Variants in SEMA6D observed in about 807,000 individuals in gnomAD.
The protein encoded by SEMA6D is semaphorin 6D.
Under a neutral mutation model 106.6 loss-of-function variants are expected in SEMA6D, and 35 were observed. That is an observed-to-expected ratio of 0.33 (90% confidence interval 0.25 to 0.44). SEMA6D has a LOEUF of 0.44. Among genes scored for constraint, SEMA6D ranks in the 20% least tolerant of loss-of-function variants. The pLI is 1.00. For synonymous variants in SEMA6D, 499 were observed against 487.7 expected, an observed-to-expected ratio of 1.02 and a Z score of -0.31; for missense variants, 1,185 against 1,345.9, an observed-to-expected ratio of 0.88 and a Z score of 1.87.
intron 1 of SEMA6D, among the ~76,000 whole-genome samples, chr15:47,723,494 C>T (rs1043579520): frequency 6.6e-6 from 1 of 152,078 alleles, no homozygotes; most frequent in Non-Finnish European, 1.5e-5. Context: ...ATTTATGGGC[C>T]CCATCAGCAA....
chr15:47,642,776 G>A (rs2077512285), intron 4 of SEMA6D, among the ~76,000 whole-genome samples: 1 of 152,186 alleles, frequency 6.6e-6, no homozygotes, highest in Non-Finnish European at 1.5e-5. Flanking sequence ...GGGCAGGAAG[G>A]CAGCAGGAGT....
intron 1 of SEMA6D, among the ~76,000 whole-genome samples, chr15:47,315,393 C>G (rs1381353016): frequency 6.6e-6 from 1 of 152,104 alleles, no homozygotes; most frequent in Non-Finnish European, 1.5e-5. Context: ...TTGTCAAAGA[C>G]CAGCTGACTA....
intron 4 of SEMA6D, among the ~76,000 whole-genome samples, chr15:47,652,505 C>T (rs534090227): frequency 2.6e-5 from 4 of 152,230 alleles, no homozygotes; most frequent in African/African-American, 9.6e-5. Flanking sequence ...AAAACCCACC[C>T]GTCTCCAATT....
At chr15:47,632,725 TG>T (rs1223237905) in intron 4 of SEMA6D, among the ~76,000 whole-genome samples, 1 of 152,046 alleles carries the variant, frequency 6.6e-6, no homozygotes, top group African/African-American at 2.4e-5. Flanking sequence ...CTTTATCCAC[TG>T]CCAGTCTTTA....
chr15:47,272,993 A>G (rs902857287), intron 1 of SEMA6D: 1 of 152,190 alleles, frequency 6.6e-6, no homozygotes, highest in Non-Finnish European at 1.5e-5. Context: ...TTTCTTCCCA[A>G]GATCCCCTCA....
At chr15:47,486,463 T>C (rs1029125758) in intron 3 of SEMA6D, among the ~76,000 whole-genome samples, 2 of 152,336 alleles carry the variant, frequency 1.3e-5, no homozygotes, top group Non-Finnish European at 1.5e-5. Flanking sequence ...AACAGAATGC[T>C]TTGAGCTCTT....
chr15:47,680,449 T>A (rs2078330216), intron 4 of SEMA6D, among the ~76,000 whole-genome samples: 1 of 152,182 alleles, frequency 6.6e-6, no homozygotes, highest in Admixed American at 6.5e-5. Flanking sequence ...TTTATTATTA[T>A]ACAAGAACAT....
At chr15:47,709,899 A>C (rs1420108745) in intron 4 of SEMA6D, among the ~76,000 whole-genome samples, 1 of 152,150 alleles carries the variant, frequency 6.6e-6, no homozygotes, top group African/African-American at 2.4e-5. Flanking sequence ...AAAAAAGTCA[A>C]AAGCAAGCAA....
At chr15:47,516,971 T>C (rs1487413849) in intron 3 of SEMA6D, among the ~76,000 whole-genome samples, 1 of 152,214 alleles carries the variant, frequency 6.6e-6, no homozygotes, top group Non-Finnish European at 1.5e-5. Context: ...TGTGCTGAAC[T>C]GAAACAATTT....
intron 1 of SEMA6D, among the ~76,000 whole-genome samples, chr15:47,375,663 A>G (rs1206692268): frequency 1.3e-5 from 2 of 152,182 alleles, no homozygotes; most frequent in African/African-American, 4.8e-5. Context: ...CCCAGTTACA[A>G]TTCTAATTCT....
chr15:47,507,291 T>C (rs1184486205), intron 3 of SEMA6D, among the ~76,000 whole-genome samples: 2 of 152,178 alleles, frequency 1.3e-5, no homozygotes, highest in Non-Finnish European at 2.9e-5. Flanking sequence ...TGCCTTGATA[T>C]GCCTTTTCCT....
At chr15:47,522,723 A>G (rs1416686811) in intron 3 of SEMA6D, among the ~76,000 whole-genome samples, 1 of 152,166 alleles carries the variant, frequency 6.6e-6, no homozygotes, top group Non-Finnish European at 1.5e-5. Flanking sequence ...TTTGTTCACC[A>G]TGGTCCCTTC....
chr15:47,455,891 GC>G (rs2042331681), intron 2 of SEMA6D, among the ~76,000 whole-genome samples: 1 of 152,002 alleles, frequency 6.6e-6, no homozygotes, highest in African/African-American at 2.4e-5. Flanking sequence ...CATAGGATTT[GC>G]AAAAGGAAAA....
chr15:47,763,328 GT>G (rs886481599), intron 9 of SEMA6D, among the ~76,000 whole-genome samples: 3 of 151,906 alleles, frequency 2.0e-5, no homozygotes, highest in South Asian at 4.2e-4. Context: ...AGAAGGTATC[GT>G]TTTTTTTCCT....
intron 4 of SEMA6D, among the ~76,000 whole-genome samples, chr15:47,609,494 TAAGCTGCCCCTAAATTGAGGAGC>T (rs753587929): frequency 6.6e-6 from 1 of 152,198 alleles, no homozygotes; most frequent in Non-Finnish European, 1.5e-5. Flanking sequence ...CGTATTCGCT[TAAGCTGCCCCTAAATTGAGGAGC>T]AACTCCCTTA....
chr15:47,211,575 T>G (rs1368104464), intron 1 of SEMA6D, among the ~76,000 whole-genome samples: 1 of 152,166 alleles, frequency 6.6e-6, no homozygotes, highest in Non-Finnish European at 1.5e-5. Context: ...GTGGCATAAA[T>G]AATAATTAGA....
At chr15:47,283,064 C>T (rs1053776276) in intron 1 of SEMA6D, among the ~76,000 whole-genome samples, 50 of 152,182 alleles carry the variant, frequency 3.3e-4, no homozygotes, top group African/African-American at 1.1e-3. Flanking sequence ...AACTTTTAGT[C>T]CTGGTTTCTC....
chr15:47,248,221 C>T (rs1377508522), intron 1 of SEMA6D, among the ~76,000 whole-genome samples: 1 of 152,108 alleles, frequency 6.6e-6, no homozygotes. Context: ...AAGCTAGGTT[C>T]CCCATATTCT....
chr15:47,478,037 G>A (rs2043048404), intron 3 of SEMA6D, among the ~76,000 whole-genome samples: 1 of 152,142 alleles, frequency 6.6e-6, no homozygotes, highest in Non-Finnish European at 1.5e-5. Context: ...CTCTCCTTGA[G>A]TTGAGATAAT....
Sources: gnomAD v4.1 joint callset for allele counts (sites outside exome capture counted in the v4.1 genomes callset) on GRCh38, gnomAD v4.1.1 for gene constraint, MANE v1.5 for transcripts, NCBI Gene and HGNC (gene_info 2026-07-23, HGNC 2026-07-21) for gene names.